The following ARFIP1 variants were observed in gnomAD, a reference collection of about 807,000 sequenced individuals.
ARFIP1 encodes the protein ARF interacting protein 1.
ARFIP1 carries 24 observed loss-of-function variants against 42.5 expected under a neutral mutation model. The observed-to-expected ratio is 0.57, with a 90% CI of 0.41 to 0.80. The LOEUF (loss-of-function observed/expected upper bound fraction) is 0.80. Ranked by LOEUF, ARFIP1 falls within the 30% of genes least tolerant of loss-of-function variation. ARFIP1 has a pLI of 0.00. For synonymous variants in ARFIP1, 141 were observed against 153.7 expected, an observed-to-expected ratio of 0.92 and a Z score of 0.61; for missense variants, 354 against 434.0, an observed-to-expected ratio of 0.82 and a Z score of 1.64.
At chr4:152,804,698 T>A (rs1471520370) in intron 1 of ARFIP1, among the ~76,000 whole-genome samples, 1 of 151,076 alleles carries the variant, frequency 6.6e-6, no homozygotes, top group African/African-American at 2.4e-5. Flanking sequence ...TGGTGTGAAA[T>A]AGGAATAATA....
At chr4:152,840,842 C>G (rs931155287) in intron 2 of ARFIP1, among the ~76,000 whole-genome samples, 1 of 151,546 alleles carries the variant, frequency 6.6e-6, no homozygotes, top group South Asian at 2.1e-4. Context: ...CCTCAGCCTC[C>G]GGAGTAGCTG....
At chr4:152,789,797 A>G (rs1731043964) in intron 1 of ARFIP1, among the ~76,000 whole-genome samples, 1 of 152,118 alleles carries the variant, frequency 6.6e-6, no homozygotes, top group South Asian at 2.1e-4. Context: ...TTCCTTTGAC[A>G]TACTCCTGTC....
chr4:152,816,024 G>A (rs967639475), intron 1 of ARFIP1, among the ~76,000 whole-genome samples: 12 of 152,074 alleles, frequency 7.9e-5, no homozygotes, highest in East Asian at 1.9e-4. Flanking sequence ...GATTACAGGC[G>A]TGAGCCACCG....
At chr4:152,891,646 A>G (rs1736859283) in intron 8 of ARFIP1, among the ~76,000 whole-genome samples, 2 of 152,082 alleles carry the variant, frequency 1.3e-5, no homozygotes, top group South Asian at 4.1e-4. Flanking sequence ...GTACCTCAAC[A>G]TCTCTTTTAT....
chr4:152,887,919 A>G (rs903722353), intron 7 of ARFIP1, among the ~76,000 whole-genome samples: 2 of 152,206 alleles, frequency 1.3e-5, no homozygotes, highest in South Asian at 4.1e-4. Context: ...TTTGAGAGAA[A>G]TAGTTAATGA....
intron 1 of ARFIP1, among the ~76,000 whole-genome samples, chr4:152,820,445 TA>T (rs940990494): frequency 6.6e-6 from 1 of 152,094 alleles, no homozygotes; most frequent in Non-Finnish European, 1.5e-5. Flanking sequence ...CTTACATTGC[TA>T]AAAAAACTAT....
intron 3 of ARFIP1, among the ~76,000 whole-genome samples, chr4:152,866,582 G>A (rs916557689): frequency 6.9e-4 from 86 of 124,250 alleles, no homozygotes; most frequent in Non-Finnish European, 1.1e-3. Flanking sequence ...GCGGCTGGCC[G>A]GGCGGGGGCT....
intron 8 of ARFIP1, among the ~76,000 whole-genome samples, chr4:152,889,750 ATATAT>A (rs1380531106): frequency 1.1e-3 from 40 of 37,416 alleles, no homozygotes; most frequent in Middle Eastern, 0.018. Flanking sequence ...TATATATACT[ATATAT>A]TATATACTAT....
intron 2 of ARFIP1, among the ~76,000 whole-genome samples, chr4:152,860,101 T>G (rs1186075365): frequency 6.6e-6 from 1 of 152,150 alleles, no homozygotes; most frequent in Non-Finnish European, 1.5e-5. Context: ...GAGTTCTATT[T>G]AAAAATTGGG....
intron 8 of ARFIP1, among the ~76,000 whole-genome samples, chr4:152,905,576 G>A (rs1468095161): frequency 8.3e-5 from 2 of 23,972 alleles, no homozygotes; most frequent in Non-Finnish European, 1.6e-4. Flanking sequence ...TTTTTGAGAT[G>A]GAGTTTCACT....
At chr4:152,787,478 A>G (rs1017760694) in intron 1 of ARFIP1, among the ~76,000 whole-genome samples, 1 of 152,256 alleles carries the variant, frequency 6.6e-6, no homozygotes, top group Non-Finnish European at 1.5e-5. Context: ...TTCCTCACAC[A>G]GCCAGATGCA....
intron 1 of ARFIP1, among the ~76,000 whole-genome samples, chr4:152,806,661 T>C (rs906409060): frequency 6.6e-6 from 1 of 152,150 alleles, no homozygotes; most frequent in African/African-American, 2.4e-5. Context: ...GTTAGTTTCT[T>C]GTGTCCCTTT....
At chr4:152,790,172 T>TA (rs1378760545) in intron 1 of ARFIP1, among the ~76,000 whole-genome samples, 1 of 152,336 alleles carries the variant, frequency 6.6e-6, no homozygotes, top group East Asian at 1.9e-4. Context: ...CATTTTTCAT[T>TA]AAAAAAATTA....
intron 8 of ARFIP1, among the ~76,000 whole-genome samples, chr4:152,895,590 T>G (rs1258270103): frequency 7.4e-6 from 1 of 134,850 alleles, no homozygotes; most frequent in Non-Finnish European, 1.5e-5. Flanking sequence ...AGATAGGGTG[T>G]TGTTCTGTCA....
At chr4:152,881,354 C>T (rs1735832927) in intron 6 of ARFIP1, among the ~76,000 whole-genome samples, 170 bp downstream of exon 6, 1 of 152,048 alleles carries the variant, frequency 6.6e-6, no homozygotes, top group South Asian at 2.1e-4. Context: ...AGTGATATGA[C>T]TTCTGTTAAC....
At chr4:152,826,703 AAGCAGGATCT>A in intron 1 of ARFIP1, among the ~76,000 whole-genome samples, 1 of 152,316 alleles carries the variant, frequency 6.6e-6, no homozygotes, top group African/African-American at 2.4e-5. Flanking sequence ...AAAGAATTGA[AAGCAGGATCT>A]TGCAGGATCT....
chr4:152,813,823 T>A (rs1471998119), intron 1 of ARFIP1, among the ~76,000 whole-genome samples: 3 of 152,094 alleles, frequency 2.0e-5, no homozygotes, highest in Non-Finnish European at 2.9e-5. Context: ...ATAAATAAAT[T>A]AAGAGGAAAA....
chr4:152,889,897 C>CTA (rs1205167572), intron 8 of ARFIP1, among the ~76,000 whole-genome samples: 2 of 130,414 alleles, frequency 1.5e-5, no homozygotes, highest in Admixed American at 8.6e-5. Context: ...TGTATGTATA[C>CTA]TATATATATA....
rs762922724 is a variant in ARFIP1, at chr4:152,882,900, T to A, written c.791+20T>A. On this transcript the variant is annotated intron_variant, in intron 7 of 8. Transcript: ENST00000353617. Reference sequence around the variant, plus strand: ...TGCCAGGTAAGGTATACATTTTCACTGTGTTGTCTGTTTTACAGATGGCAT... The same window carrying A: ...TGCCAGGTAAGGTATACATTTTCACAGTGTTGTCTGTTTTACAGATGGCAT... 2.1e-5 allele frequency: 33 copies of A among 1,587,962 alleles called. No homozygotes were observed. The African/African-American group carries it at 3.4e-4, about 16-fold the overall frequency.
Sources: gnomAD v4.1 joint callset for allele counts (sites outside exome capture counted in the v4.1 genomes callset) on GRCh38, gnomAD v4.1.1 for gene constraint, MANE v1.5 for transcripts, NCBI Gene and HGNC (gene_info 2026-07-23, HGNC 2026-07-21) for gene names.